The following COL4A4 variants were observed in gnomAD, a reference collection of about 807,000 sequenced individuals.
The protein encoded by COL4A4 is collagen alpha-4(IV) chain.
In COL4A4, 105 loss-of-function variants were observed where a neutral mutation model predicts 192.9. The ratio of observed to expected loss-of-function variants is 0.54; its 90% CI spans 0.46 to 0.64. The LOEUF (loss-of-function observed/expected upper bound fraction) is 0.64, where lower values mean the gene tolerates loss of function less well. COL4A4 is among the 30% of genes least tolerant of loss of function. The pLI is 0.00. For synonymous variants in COL4A4, 762 were observed against 769.9 expected, an observed-to-expected ratio of 0.99 and a Z score of 0.17; for missense variants, 1,967 against 2,169.3, an observed-to-expected ratio of 0.91 and a Z score of 1.85.
At chr2:227,060,339 T>C (rs896755222) in intron 26 of COL4A4, 96 bp from the exon 27 acceptor site, 58 of 859,084 alleles carry the variant, frequency 6.8e-5, no homozygotes, top group South Asian at 3.5e-4. Context: ...TAAGTCCTTT[T>C]AGAATATTTC....
chr2:227,033,643 C>T (rs1186578790), intron 37 of COL4A4, among the ~76,000 whole-genome samples, 162 bp from the exon 38 acceptor site: 1 of 152,212 alleles, frequency 6.6e-6, no homozygotes, highest in Non-Finnish European at 1.5e-5. Flanking sequence ...AGGCCCAGGA[C>T]TATTTAACAC....
chr2:227,132,817 A>G (rs1248454900), intron 4 of COL4A4, among the ~76,000 whole-genome samples: 1 of 152,130 alleles, frequency 6.6e-6, no homozygotes, highest in Non-Finnish European at 1.5e-5. Flanking sequence ...TTATAGAGAA[A>G]TAAGCACCTT....
rs537980584 is a variant in COL4A4, at chr2:227,010,204, G to T, written c.4522+109C>A. The T allele has an allele frequency of 1.5e-5, 17 of 1,158,752 alleles. No individual in the cohort carries two copies. In the East Asian group the frequency reaches 4.0e-4, roughly 27 times the overall value. 71.8% of individuals were successfully genotyped at this position (1,158,752 alleles called of 1,614,324 possible). ...GCTAGTGTTTTTGTTTTAAAAGTAA[G>T]AATAATCCCATATAAGGTTAGTGAT... is the stretch of plus-strand genomic sequence containing the variant. On this transcript the variant is annotated intron_variant, in intron 46 of 47. Coordinates refer to ENST00000396625, the MANE Select transcript of COL4A4 (RefSeq NM_000092.5).
chr2:227,046,020 A>T (rs1174436835), intron 35 of COL4A4, among the ~76,000 whole-genome samples: 6 of 67,948 alleles, frequency 8.8e-5, no homozygotes, highest in Non-Finnish European at 1.7e-4. Flanking sequence ...GATAGTATAT[A>T]TGTATATATG....
chr2:227,090,974 A>G (rs767021915), intron 20 of COL4A4, among the ~76,000 whole-genome samples: 8 of 151,470 alleles, frequency 5.3e-5, no homozygotes, highest in African/African-American at 9.7e-5. Context: ...AAGAATCTGT[A>G]CCTCTGGAAT....
chr2:226,983,619 C>CT, the COL4A4 span, among the ~76,000 whole-genome samples: 23 of 151,482 alleles, frequency 1.5e-4, no homozygotes, highest in African/African-American at 5.1e-4. Context: ...ACTGGCTTGT[C>CT]TTTTTTTTTC....
At chr2:227,151,538 C>G (rs1395955204) in intron 1 of COL4A4, among the ~76,000 whole-genome samples, 1 of 128,884 alleles carries the variant, frequency 7.8e-6, no homozygotes, top group East Asian at 2.4e-4. Context: ...TCAACATAAA[C>G]AAGAAGTTGT....
chr2:227,098,927 T>C (rs1049038100), intron 18 of COL4A4, 129 bp from the exon 19 acceptor site: 13 of 728,906 alleles, frequency 1.8e-5, no homozygotes, highest in African/African-American at 1.8e-4. Flanking sequence ...TCATTACATT[T>C]AAAACGAAAT....
chr2:227,017,527 T>C (rs552984699), intron 44 of COL4A4, among the ~76,000 whole-genome samples: 24 of 152,132 alleles, frequency 1.6e-4, no homozygotes, highest in Non-Finnish European at 2.9e-4. Context: ...GCAGGAACAG[T>C]TCAAAACAAA....
In COL4A4 at chr2:227,026,452, T is replaced by A. The variant is rs532096582; in HGVS notation, c.4082-642A>T. 3.4e-5 allele frequency among the ~76,000 whole-genome samples: 5 copies of A among 147,092 alleles called. No homozygotes were observed. In the Admixed American group the frequency reaches 3.5e-4, roughly 10 times the overall value. Reference sequence around the variant, plus strand: ...AGGTGGAGCTTGCAGTGAGCCGAGATCGCACCACTGCACTCCAGCCTGGGT... The same window carrying A: ...AGGTGGAGCTTGCAGTGAGCCGAGAACGCACCACTGCACTCCAGCCTGGGT... On this transcript the variant is annotated intron_variant, in intron 42 of 47. Coordinates refer to ENST00000396625, the MANE Select transcript of COL4A4 (RefSeq NM_000092.5).
At chr2:227,046,894 A>G (rs1398137253) in intron 35 of COL4A4, among the ~76,000 whole-genome samples, 1 of 152,062 alleles carries the variant, frequency 6.6e-6, no homozygotes, top group Non-Finnish European at 1.5e-5. Context: ...TCCATGTTAA[A>G]TTATTATTGA....
intron 2 of COL4A4, 29 bp downstream of exon 2, chr2:227,147,384 A>G: frequency 6.2e-7 from 1 of 1,600,272 alleles, no homozygotes; most frequent in Non-Finnish European, 8.6e-7. Context: ...TACTAAATAA[A>G]AGCAGGCAAT....
In COL4A4 at chr2:227,160,576, G is replaced by A. The variant is rs149353249; in HGVS notation, c.-102+3431C>T. 2.6e-4 allele frequency among the ~76,000 whole-genome samples: 40 copies of A among 152,230 alleles called. 2 individuals carry two copies. In the East Asian group the frequency reaches 5.6e-3, roughly 21 times the overall value. ...CCCCATTCCCACCTCCCCATGTCCC[G>A]TGATGAATATGTAGTAGAAATGATA... On this transcript the variant is annotated intron_variant, in intron 1 of 47. Coordinates refer to ENST00000396625, the MANE Select transcript of COL4A4 (RefSeq NM_000092.5).
At chr2:227,049,960 A>C (rs1353037014) in intron 34 of COL4A4, 108 bp downstream of exon 34, 6 of 1,006,738 alleles carry the variant, frequency 6.0e-6, no homozygotes, top group Non-Finnish European at 9.5e-6. Context: ...TGGGTGTTGC[A>C]GTTTCTTTGA....
the COL4A4 span, among the ~76,000 whole-genome samples, chr2:226,989,267 A>G: frequency 1.1e-4 from 16 of 152,246 alleles, no homozygotes; most frequent in African/African-American, 3.6e-4. Context: ...TCTCACAAGC[A>G]TAATGTAAAT....
chr2:227,148,871 TG>T (rs1198134316), intron 1 of COL4A4, among the ~76,000 whole-genome samples: 2 of 151,774 alleles, frequency 1.3e-5, no homozygotes, highest in African/African-American at 2.4e-5. Context: ...GACGGGGTTT[TG>T]CTCTTATGGC....
Position 227,060,129 on chromosome 2 carries a change from C to CAAA in COL4A4, c.2164+6_2164+7insTTT. On this transcript the variant is annotated splice_region_variant and intron_variant, in intron 27 of 47. Coordinates refer to ENST00000396625, the MANE Select transcript of COL4A4 (RefSeq NM_000092.5). ...AAAAAAAAAAAAAAAAAAAAAACCT[C>CAAA]ACTGACCAGGTGGACCTGGTATTTC... 2.2e-5 allele frequency: 10 copies of CAAA among 446,892 alleles called. No homozygotes were observed. Among genetic ancestry groups the CAAA allele is most frequent in the Non-Finnish European group, 3.2e-5 (10 of 309,824 alleles). 27.7% of individuals were successfully genotyped at this position (446,892 alleles called of 1,614,324 possible).
At chr2:227,140,049 A>T in intron 4 of COL4A4, 112 bp downstream of exon 4, 1 of 877,418 alleles carries the variant, frequency 1.1e-6, no homozygotes, top group Non-Finnish European at 1.9e-6. Flanking sequence ...TGAAATACAT[A>T]AACATTATCG....
At chr2:227,160,909 T>C (rs775116771) in intron 1 of COL4A4, among the ~76,000 whole-genome samples, 1 of 152,142 alleles carries the variant, frequency 6.6e-6, no homozygotes, top group Non-Finnish European at 1.5e-5. Context: ...AAGAGCCTAA[T>C]TGTTTCAGAG....
Sources: allele counts gnomAD v4.1 joint callset (sites outside exome capture counted in the v4.1 genomes callset), GRCh38; gene constraint gnomAD v4.1.1; transcripts MANE v1.5; gene names NCBI Gene and HGNC (gene_info 2026-07-23, HGNC 2026-07-21).